The following AFF3 variants were observed in gnomAD, a reference collection of about 807,000 sequenced individuals.
AFF3 encodes the protein ALF transcription elongation factor 3.
AFF3 carries 32 observed loss-of-function variants against 129.7 expected under a neutral mutation model. The ratio of observed to expected loss-of-function variants is 0.25; its 90% CI spans 0.19 to 0.33. AFF3 has a LOEUF of 0.33. AFF3 is among the 10% of genes least tolerant of loss of function. AFF3 has a pLI of 1.00. For missense variants in AFF3, 1,373 were observed against 1,592.0 expected (o/e 0.86, Z 2.34); for synonymous variants, 644 against 635.4 (o/e 1.01, Z -0.20).
chr2:99,846,509 C>T (rs1029463494), intron 7 of AFF3, among the ~76,000 whole-genome samples: 6 of 152,132 alleles, frequency 3.9e-5, no homozygotes, highest in East Asian at 1.9e-4. Flanking sequence ...GAAATGTACA[C>T]GAAAACACAT....
At chr2:99,758,322 C>T (rs1351812239) in intron 8 of AFF3, among the ~76,000 whole-genome samples, 1 of 152,204 alleles carries the variant, frequency 6.6e-6, no homozygotes, top group East Asian at 1.9e-4. Flanking sequence ...TGGCTCATGC[C>T]TGTAATCCCA....
intron 8 of AFF3, among the ~76,000 whole-genome samples, chr2:99,767,685 C>T (rs989542838): frequency 2.0e-5 from 3 of 152,172 alleles, no homozygotes; most frequent in Admixed American, 6.5e-5. Flanking sequence ...CAGCTGGGTG[C>T]GGTGGCTCAC....
intron 2 of AFF3, among the ~76,000 whole-genome samples, chr2:100,114,566 G>A (rs1273633655): frequency 6.6e-6 from 1 of 152,044 alleles, no homozygotes; most frequent in African/African-American, 2.4e-5. Context: ...ATTTTTAGTA[G>A]AAACAGGGTT....
At chr2:99,873,309 G>A (rs946146578) in intron 7 of AFF3, among the ~76,000 whole-genome samples, 2 of 152,196 alleles carry the variant, frequency 1.3e-5, no homozygotes, top group Non-Finnish European at 2.9e-5. Context: ...TGGTAGCACC[G>A]CTTTGATTCC....
intron 16 of AFF3, among the ~76,000 whole-genome samples, chr2:99,584,100 T>C (rs987286173): frequency 3.3e-5 from 5 of 152,182 alleles, no homozygotes; most frequent in Non-Finnish European, 7.3e-5. Flanking sequence ...ACCTGCAATA[T>C]GTGAAGCCAA....
intron 4 of AFF3, among the ~76,000 whole-genome samples, chr2:100,025,526 C>G (rs971596698): frequency 6.6e-6 from 1 of 152,130 alleles, no homozygotes; most frequent in African/African-American, 2.4e-5. Context: ...CACCATCATT[C>G]TTCACAGAAT....
chr2:99,643,614 C>T lies in AFF3; in HGVS notation c.1184+6012G>A, dbSNP rs547472162. Among the ~76,000 whole-genome samples, 4 of 152,316 alleles carry T rather than the reference C, an allele frequency of 2.6e-5. No individual in the cohort carries two copies. In the South Asian group the frequency reaches 8.3e-4, roughly 32 times the overall value. ...GTGACACATTACCCAGAAAGGTACA[C>T]TTCTGTGCTGGTGGCCACTCCAACA... On this transcript the variant is annotated intron_variant, in intron 13 of 24. Transcript: ENST00000672756.
intron 13 of AFF3, among the ~76,000 whole-genome samples, chr2:99,641,929 C>T (rs747377585): frequency 3.3e-5 from 5 of 152,162 alleles, no homozygotes; most frequent in Non-Finnish European, 5.9e-5. Context: ...ATGTCCTCTA[C>T]CACACTGTAG....
intron 4 of AFF3, among the ~76,000 whole-genome samples, chr2:100,046,571 T>C (rs932342639): frequency 4.6e-5 from 7 of 152,208 alleles, no homozygotes; most frequent in Admixed American, 1.3e-4. Flanking sequence ...TTCCCATTTA[T>C]AAAATGCAAG....
intron 4 of AFF3, among the ~76,000 whole-genome samples, chr2:100,039,557 TA>T (rs899734541): frequency 4.7e-5 from 7 of 150,292 alleles, no homozygotes; most frequent in African/African-American, 1.2e-4. Flanking sequence ...AACTCCTCTC[TA>T]AAAAAAAACA....
intron 2 of AFF3, among the ~76,000 whole-genome samples, chr2:100,113,991 A>C (rs1157386890): frequency 6.6e-6 from 1 of 152,162 alleles, no homozygotes; most frequent in Non-Finnish European, 1.5e-5. Context: ...CAGATGGTGA[A>C]GAGGCCTGTA....
intron 12 of AFF3, among the ~76,000 whole-genome samples, chr2:99,659,672 T>G (rs1686057059): frequency 6.6e-6 from 1 of 152,156 alleles, no homozygotes; most frequent in Non-Finnish European, 1.5e-5. Flanking sequence ...CTTGGTGGAA[T>G]TTAATGCAGA....
chr2:100,034,606 CA>C (rs1684764911), intron 4 of AFF3, among the ~76,000 whole-genome samples: 1 of 151,622 alleles, frequency 6.6e-6, no homozygotes, highest in Non-Finnish European at 1.5e-5. Context: ...ATCAGAATAT[CA>C]ATGAAGAAAA....
At chr2:99,975,896 G>C (rs892640487) in intron 7 of AFF3, among the ~76,000 whole-genome samples, 1 of 135,626 alleles carries the variant, frequency 7.4e-6, no homozygotes, top group Non-Finnish European at 1.6e-5. Context: ...AAAAGAAAAA[G>C]AGAAAACCCA....
intron 4 of AFF3, among the ~76,000 whole-genome samples, chr2:100,065,277 G>A (rs1027145683): frequency 7.2e-5 from 11 of 152,174 alleles, no homozygotes; most frequent in South Asian, 2.1e-4. Flanking sequence ...GGATATAAAT[G>A]ACTGCCTGTC....
intron 5 of AFF3, among the ~76,000 whole-genome samples, chr2:100,008,544 G>T (rs1682194386): frequency 6.6e-6 from 1 of 152,154 alleles, no homozygotes; most frequent in Non-Finnish European, 1.5e-5. Context: ...GATGAAGTCT[G>T]TATTATTGAT....
chr2:99,681,887 G>A (rs1239222620), intron 11 of AFF3, among the ~76,000 whole-genome samples: 1 of 150,726 alleles, frequency 6.6e-6, no homozygotes, highest in African/African-American at 2.4e-5. Context: ...AGCCAGGGTT[G>A]AGAACCACTG....
intron 18 of AFF3, among the ~76,000 whole-genome samples, chr2:99,577,100 T>C (rs1262696960): frequency 1.3e-5 from 2 of 152,184 alleles, no homozygotes; most frequent in African/African-American, 4.8e-5. Flanking sequence ...TACCTTGGAA[T>C]GTGTTCATTT....
At chr2:100,084,279 C>T (rs1689256199) in intron 4 of AFF3, among the ~76,000 whole-genome samples, 3 of 152,218 alleles carry the variant, frequency 2.0e-5, no homozygotes, top group African/African-American at 7.2e-5. Flanking sequence ...TAGCTAAACA[C>T]ATTGTGCACT....
Sources: gnomAD v4.1 joint callset for allele counts (sites outside exome capture counted in the v4.1 genomes callset) on GRCh38, gnomAD v4.1.1 for gene constraint, MANE v1.5 for transcripts, NCBI Gene and HGNC (gene_info 2026-07-23, HGNC 2026-07-21) for gene names.